MAP3K12: variants seen among roughly 807,000 people sequenced by gnomAD.
MAP3K12 encodes mitogen-activated protein kinase kinase kinase 12.
MAP3K12 carries 14 observed loss-of-function variants against 87.5 expected under a neutral mutation model. The ratio of observed to expected loss-of-function variants is 0.16; its 90% confidence interval spans 0.11 to 0.25. The LOEUF is 0.25. MAP3K12 is among the 10% of genes least tolerant of loss of function. MAP3K12 has a pLI of 1.00. For synonymous variants in MAP3K12, 469 were observed against 452.5 expected, an observed-to-expected ratio of 1.04 and a Z score of -0.46; for missense variants, 802 against 1,140.4, an observed-to-expected ratio of 0.70 and a Z score of 4.27.
upstream of MAP3K12, chr12:53,501,530 G>A: frequency 3.9e-6 from 6 of 1,546,550 alleles, no homozygotes; most frequent in Non-Finnish European, 5.2e-6. Context: ...TAGCGGCGCG[G>A]CCCCAGCATG....
At chr12:53,501,319 C>T, upstream of MAP3K12, 2 of 1,475,350 alleles carry the variant, frequency 1.4e-6, no homozygotes, top group Non-Finnish European at 1.8e-6. Context: ...GCCGCGACTC[C>T]GGGCTTGGCC....
At position 53,483,163 on chromosome 12, in the gene MAP3K12, A is replaced by G. The variant is rs1247068906; in HGVS notation, c.1640T>C (p.Leu547Ser). The G allele has an allele frequency of 6.6e-7, 1 of 1,521,566 alleles. No homozygotes were observed. Among genetic ancestry groups the G allele is most frequent in the Non-Finnish European group, 8.8e-7 (1 of 1,137,020 alleles). 94.3% of individuals were successfully genotyped at this position (1,521,566 alleles called of 1,614,324 possible). The change falls in exon 11 of 14, where the codon TTG becomes TCG. Residue 547 changes from leucine to serine, a missense_variant. Transcript: ENST00000547488. ...KRPDILKTES[L>S]LPKLDAALSG... The stretch of plus-strand genomic sequence containing the variant: ...CAGGGCTGCATCTAGTTTAGGGAGC[A>G]AAGACTCCGTCTTGAGGATATCTGG...
chr12:53,492,977 A>AG (rs1159262527), intron 1 of MAP3K12: 3 of 152,222 alleles, frequency 2.0e-5, no homozygotes, highest in African/African-American at 7.2e-5. Flanking sequence ...GTGGGGAGGA[A>AG]GGGGTTACGG....
Position 53,483,465 on chromosome 12 carries a change from C to G in MAP3K12, c.1497G>C (p.Arg499=). 1 of 1,614,150 alleles carries G rather than the reference C, an allele frequency of 6.2e-7. No individual in the cohort carries two copies. The highest frequency in any genetic ancestry group is 8.5e-7 in the Non-Finnish European group (1 of 1,180,018). ...GTGGCTTCAGCAGGCCTGGGCACCTCCGCTCTAAAGCTTGCTCTCGCCTAA... is the reference window on the plus strand; with the variant it reads ...GTGGCTTCAGCAGGCCTGGGCACCTGCGCTCTAAAGCTTGCTCTCGCCTAA... ...ELLRREQALE[R]RCPGLLKPHP... is the part of the protein sequence containing the mutation. Residue 499 remains arginine (R), a synonymous_variant, in exon 10 of 14, where the codon CGG becomes CGC. Coordinates refer to ENST00000547488, the MANE Select transcript of MAP3K12 (RefSeq NM_001193511.2).
intron 1 of MAP3K12, among the ~76,000 whole-genome samples, chr12:53,491,123 A>G (rs1310169049): frequency 6.6e-6 from 1 of 151,276 alleles, no homozygotes; most frequent in East Asian, 2.0e-4. Flanking sequence ...CCCCGTCTCT[A>G]CTAAAATACA....
rs1290122378 is a variant in MAP3K12, at chr12:53,480,031, T to G, written c.*1151A>C. On this transcript the variant is annotated 3_prime_UTR_variant, in exon 14 of 14. Coordinates refer to ENST00000547488, the MANE Select transcript of MAP3K12 (RefSeq NM_001193511.2). Reference sequence around the variant, plus strand: ...GCTTGGTTGGCCCTTATAAAACTTGTGCCCAAAAGATTGAGGATTAGACTT... The same window carrying G: ...GCTTGGTTGGCCCTTATAAAACTTGGGCCCAAAAGATTGAGGATTAGACTT... 6.6e-6 allele frequency: 1 copy of G among 151,938 alleles called. No homozygotes were observed. Among genetic ancestry groups the G allele is most frequent in the African/African-American group, 2.4e-5 (1 of 41,306 alleles). 9.4% of individuals were successfully genotyped at this position (151,938 alleles called of 1,614,324 possible).
At chr12:53,485,544 T>G (rs1943204862) in intron 4 of MAP3K12, 69 bp from the exon 5 acceptor site, 2 of 1,526,870 alleles carry the variant, frequency 1.3e-6, no homozygotes, top group South Asian at 1.2e-5. Flanking sequence ...GCAGCAACTC[T>G]GCCTTTCAGG....
intron 7 of MAP3K12, 42 bp downstream of exon 7, chr12:53,484,215 A>G (rs769606680): frequency 1.3e-6 from 2 of 1,550,922 alleles, no homozygotes; most frequent in Admixed American, 3.4e-5. Context: ...CATCTCTGCA[A>G]AGAAGGGGAG....
chr12:53,481,751 G>A (rs784564), intron 13 of MAP3K12, 190 bp downstream of exon 13: 625,555 of 642,172 alleles, frequency 0.97, 306,474 homozygotes, highest in East Asian at 1. Context: ...ATAGCTACAT[G>A]CAAGCTACTG....
At position 53,482,758 on chromosome 12, in the gene MAP3K12, G is replaced by T; in HGVS notation, c.2045C>A (p.Ala682Asp). The change falls in exon 11 of 14, where the codon GCC becomes GAC. Residue 682 changes from alanine (A) to aspartate (D), a missense_variant. By Grantham distance (126) the Ala-to-Asp change is moderately radical. This residue lies in a region of MAP3K12 where 490 missense variants were observed against 496.6 expected (regional missense o/e 0.99). Transcript: ENST00000547488. Reference protein sequence around the residue: ...RGDTPPSEGSAPGSTSPDSPG... With the variant: ...RGDTPPSEGSDPGSTSPDSPG... ...TGAATCTGGGCTGGTGGAGCCAGGG[G>T]CTGAGCCCTCACTTGGTGGGGTGTC... 3 of 1,613,960 alleles carry T rather than the reference G, an allele frequency of 1.9e-6. No homozygotes were observed. The highest frequency in any genetic ancestry group is 1.1e-5 in the South Asian group (1 of 91,080).
intron 1 of MAP3K12, among the ~76,000 whole-genome samples, chr12:53,495,437 C>T (rs1406441687): frequency 5.4e-5 from 8 of 149,294 alleles, no homozygotes; most frequent in African/African-American, 1.5e-4. Context: ...GGTGAAACCC[C>T]GTTTCTACCA....
chr12:53,494,245 G>A (rs1943491832), intron 1 of MAP3K12, among the ~76,000 whole-genome samples: 1 of 152,206 alleles, frequency 6.6e-6, no homozygotes, highest in South Asian at 2.1e-4. Context: ...ATGGGGGAAG[G>A]GCAGCAATGT....
Position 53,482,352 on chromosome 12 carries a change from C to A in MAP3K12, c.2256G>T (p.Ser752=), listed in dbSNP as rs540161716. ...TGTCTACCTCTCCTTCCTCCTCTTC[C>A]GATGAGATGCCACGTTTCTGCAGGA... is the stretch of plus-strand genomic sequence containing the variant. ...VTRSQKRGIS[S]EEEEGEVDSE... The change falls in exon 12 of 14, where the codon TCG becomes TCT. Residue 752 remains serine, a synonymous_variant. Coordinates refer to ENST00000547488, the MANE Select transcript of MAP3K12 (RefSeq NM_001193511.2). 6.2e-7 allele frequency: 1 copy of A among 1,613,754 alleles called. No individual in the cohort carries two copies. The highest frequency in any genetic ancestry group is 1.3e-5 in the African/African-American group (1 of 74,876).
intron 13 of MAP3K12, 167 bp downstream of exon 13, chr12:53,481,768 CATCGTA>C: frequency 4.2e-6 from 3 of 722,520 alleles, no homozygotes; most frequent in Non-Finnish European, 2.2e-6. Context: ...ACTGGTCAGG[CATCGTA>C]ATAGATGCTC....
At chr12:53,496,669 A>G (rs1269743125) in intron 1 of MAP3K12, among the ~76,000 whole-genome samples, 2 of 152,250 alleles carry the variant, frequency 1.3e-5, no homozygotes, top group Non-Finnish European at 2.9e-5. Context: ...TGGAATTGTG[A>G]GTGTTTTAAT....
chr12:53,482,110 C>A lies in MAP3K12; in HGVS notation c.2411G>T (p.Gly804Val). Residue 804 changes from glycine to valine, a missense_variant, in exon 13 of 14, where the codon GGC becomes GTC. By Grantham distance (109) the Gly-to-Val change is moderately radical. Around this residue, in one of 5 missense-constraint regions of MAP3K12, gnomAD observed 490 missense variants for 496.6 expected, o/e 0.99. Transcript: ENST00000547488. ...GTTGGTGCTGCCAACTTCAGGTGTGCCACTGGGGGAAGGTTCACTAGCTGT... is the reference window on the plus strand; with the variant it reads ...GTTGGTGCTGCCAACTTCAGGTGTGACACTGGGGGAAGGTTCACTAGCTGT... ...EGTASEPSPSGTPEVGSTNTD... is the reference protein window; with the variant it reads ...EGTASEPSPSVTPEVGSTNTD... The A allele has an allele frequency of 6.2e-7, 1 of 1,614,166 alleles. No homozygotes were observed. Among genetic ancestry groups the A allele is most frequent in the South Asian group, 1.1e-5 (1 of 91,086 alleles).
At chr12:53,489,586 G>A (rs1432881365) in intron 1 of MAP3K12, among the ~76,000 whole-genome samples, 1 of 152,192 alleles carries the variant, frequency 6.6e-6, no homozygotes, top group Non-Finnish European at 1.5e-5. Flanking sequence ...CCCTCTAATT[G>A]TTCCTCATAG....
chr12:53,490,729 G>C (rs556513332), intron 1 of MAP3K12, among the ~76,000 whole-genome samples: 2 of 150,070 alleles, frequency 1.3e-5, no homozygotes, highest in East Asian at 2.0e-4. Flanking sequence ...CTGGGCAACA[G>C]AGTGAGACTC....
chr12:53,486,284 C>T lies in MAP3K12; in HGVS notation c.630-37G>A. On this transcript the variant is annotated intron_variant, in intron 3 of 13. Coordinates refer to ENST00000547488, the MANE Select transcript of MAP3K12 (RefSeq NM_001193511.2). This position sits in a 1 kb window ranked among gnomAD's most constrained non-coding sequence, Gnocchi z 4.9. ...ACAATGGTATGAAGGCCTCAGCTGG[C>T]TCAGCATTCACCTGATTCATACCTG... 1 of 1,568,994 alleles carries T rather than the reference C, an allele frequency of 6.4e-7. No individual in the cohort carries two copies.
Sources: gnomAD v4.1 joint callset for allele counts (sites outside exome capture counted in the v4.1 genomes callset) on GRCh38, gnomAD v4.1.1 for gene constraint, gnomAD v4.1.1 regional missense constraint, Gnocchi (gnomAD v3.1) non-coding constraint, MANE v1.5 for transcripts, NCBI Gene and HGNC (gene_info 2026-07-23, HGNC 2026-07-21) for gene names.